The following LANCL3 variants were observed in gnomAD, a reference collection of about 807,000 sequenced individuals.
LANCL3 encodes LanC like family member 3.
Under a neutral mutation model 26.5 loss-of-function variants are expected in LANCL3, and 19 were observed. That is an observed-to-expected ratio of 0.72 (90% CI 0.50 to 1.05). The LOEUF (loss-of-function observed/expected upper bound fraction) is 1.05, where lower values mean the gene tolerates loss of function less well. LANCL3 is among the 50% of genes least tolerant of loss of function. The probability of loss-of-function intolerance (pLI) is 0.00; values close to 1 mark genes in which losing one functional copy is unlikely to be tolerated. For missense variants in LANCL3, 318 were observed against 362.7 expected (o/e 0.88, Z 1.00); for synonymous variants, 160 against 166.6 (o/e 0.96, Z 0.30).
At chrX:37,580,884 A>G (rs375664249) in intron 1 of LANCL3, among the ~76,000 whole-genome samples, 179 of 112,335 alleles carry the variant, frequency 1.6e-3, no homozygotes, top group African/African-American at 5.5e-3. Flanking sequence ...AGAGGTTGAG[A>G]AACTTGTTCC....
rs1355150345 is a variant in LANCL3 at position 37,681,055 on chromosome X, T to C, written c.*5242T>C. On this transcript the variant is annotated 3_prime_UTR_variant, in exon 5 of 5. Coordinates refer to ENST00000378619, the MANE Select transcript of LANCL3 (RefSeq NM_001170331.2). Reference sequence around the variant, plus strand: ...GCTAGGTTGAAGCCATTAGTAACCATCTGTAGAAGATAACAGCCATGAGTT... The same window carrying C: ...GCTAGGTTGAAGCCATTAGTAACCACCTGTAGAAGATAACAGCCATGAGTT... 8.9e-6 allele frequency: 1 copy of C among 112,278 alleles called. No individual in the cohort carries two copies. The highest frequency in any genetic ancestry group is 1.9e-5 in the Non-Finnish European group (1 of 53,288). 9.3% of individuals were successfully genotyped at this position (112,278 alleles called of 1,213,427 possible).
chrX:37,631,362 C>A (rs1340816239), intron 1 of LANCL3, among the ~76,000 whole-genome samples: 3 of 111,423 alleles, frequency 2.7e-5, no homozygotes, highest in African/African-American at 9.8e-5. Flanking sequence ...ATTAATCTTG[C>A]TAGCAGTCTA....
chrX:37,662,167 C>T (rs1398647244), intron 3 of LANCL3, among the ~76,000 whole-genome samples: 2 of 111,917 alleles, frequency 1.8e-5, no homozygotes, highest in Non-Finnish European at 3.8e-5. Flanking sequence ...TTTTAAATAC[C>T]TTGTGTGGCA....
rs181143363 is a variant in LANCL3, at chrX:37,634,138, C to T, written c.574-21550C>T. On this transcript the variant is annotated intron_variant, in intron 1 of 4. Transcript: ENST00000378619. Reference sequence around the variant, plus strand: ...TTACCTAAGCAAGCCTGGGCAATGGCGGGCGCCCCTCCCCCAGCCTCACTG... The same window carrying T: ...TTACCTAAGCAAGCCTGGGCAATGGTGGGCGCCCCTCCCCCAGCCTCACTG... Among the ~76,000 whole-genome samples, 225 of 112,641 alleles carry T rather than the reference C, an allele frequency of 2.0e-3. 2 individuals are homozygous for T. Among genetic ancestry groups the T allele is most frequent in the Middle Eastern group, 0.018 (4 of 217 alleles).
chrX:37,600,683 C>G (rs1924553132), intron 1 of LANCL3, among the ~76,000 whole-genome samples: 1 of 111,927 alleles, frequency 8.9e-6, no homozygotes, highest in African/African-American at 3.3e-5. Context: ...TAATTCAGTA[C>G]TTCTCAAACT....
intron 1 of LANCL3, among the ~76,000 whole-genome samples, chrX:37,595,830 A>G (rs1238686858): frequency 1.8e-5 from 2 of 112,226 alleles, no homozygotes; most frequent in Non-Finnish European, 3.8e-5. Context: ...TTGACTAGCT[A>G]TGCACTTTAC....
rs191733227 is a variant in LANCL3 at position 37,643,207 on chromosome X, A to G, written c.574-12481A>G. Among the ~76,000 whole-genome samples the G allele has an allele frequency of 2.7e-5, 3 of 112,259 alleles. No individual in the cohort carries two copies. The East Asian group carries it at 8.4e-4, about 31-fold the overall frequency. On this transcript the variant is annotated intron_variant, in intron 1 of 4. Transcript: ENST00000378619. ...TTAAGCTTCCTATTAGGAAGAAAGTACATAAGAAAATAGACATATTGATAA... is the reference window on the plus strand; with the variant it reads ...TTAAGCTTCCTATTAGGAAGAAAGTGCATAAGAAAATAGACATATTGATAA...
chrX:37,572,050 C>A lies in LANCL3; in HGVS notation c.180C>A (p.Ala60=). Residue 60 remains alanine (A), a synonymous_variant, in exon 1 of 5, where the codon GCC becomes GCA. Transcript: ENST00000378619. ...GAGGGGCGACGGCGGGGGCTAGCGC[C>A]TGCCAGGGGGGGCTTTATGGCGGCG... is the stretch of plus-strand genomic sequence containing the variant. The part of the protein sequence containing the change: ...EARGATAGAS[A]CQGGLYGGVA... 8.5e-7 allele frequency: 1 copy of A among 1,182,053 alleles called. No homozygotes were observed. Among genetic ancestry groups the A allele is most frequent in the Non-Finnish European group, 1.1e-6 (1 of 882,168 alleles).
intron 1 of LANCL3, among the ~76,000 whole-genome samples, chrX:37,595,737 GC>G: frequency 8.9e-6 from 1 of 112,029 alleles, no homozygotes; most frequent in East Asian, 2.8e-4. Context: ...TTATATTCAT[GC>G]AGGTGATAAA....
At chrX:37,637,258 T>TA (rs1461353067) in intron 1 of LANCL3, among the ~76,000 whole-genome samples, 4 of 112,231 alleles carry the variant, frequency 3.6e-5, no homozygotes, top group Non-Finnish European at 1.9e-5. Flanking sequence ...TGGATTCCTA[T>TA]AGTTCAGTGT....
At chrX:37,607,013 C>T (rs917888651) in intron 1 of LANCL3, among the ~76,000 whole-genome samples, 1 of 112,365 alleles carries the variant, frequency 8.9e-6, no homozygotes, top group Non-Finnish European at 1.9e-5. Context: ...CAGTGCCTAG[C>T]ACTGTGCTAA....
chrX:37,609,906 A>G (rs1244633249), intron 1 of LANCL3, among the ~76,000 whole-genome samples: 1 of 112,103 alleles, frequency 8.9e-6, no homozygotes, highest in East Asian at 2.8e-4. Context: ...TTTAAAAAAT[A>G]TTGTTTTGGT....
intron 1 of LANCL3, among the ~76,000 whole-genome samples, chrX:37,654,021 C>G (rs782566296): frequency 1.9e-4 from 21 of 111,634 alleles, no homozygotes; most frequent in Admixed American, 4.7e-4. Context: ...TTTAGTTGCT[C>G]TATTGTAGAC....
At chrX:37,653,298 A>G (rs1278085893) in intron 1 of LANCL3, among the ~76,000 whole-genome samples, 1 of 111,950 alleles carries the variant, frequency 8.9e-6, no homozygotes, top group Non-Finnish European at 1.9e-5. Flanking sequence ...AGACATGCAC[A>G]CACACACACA....
chrX:37,580,236 G>T (rs1556416860), intron 1 of LANCL3, among the ~76,000 whole-genome samples: 2 of 111,459 alleles, frequency 1.8e-5, no homozygotes, highest in Non-Finnish European at 3.8e-5. Flanking sequence ...ACTTCTATGG[G>T]CTATGGCTTA....
intron 1 of LANCL3, among the ~76,000 whole-genome samples, chrX:37,584,547 G>C (rs1367998499): frequency 1.8e-5 from 2 of 111,364 alleles, no homozygotes; most frequent in Non-Finnish European, 3.8e-5. Context: ...TTATTGTTGG[G>C]AGGGTGTATG....
rs1225660885 is a variant in LANCL3 at position 37,679,761 on chromosome X, T to A, written c.*3948T>A. 16 of 111,014 alleles carry A rather than the reference T, an allele frequency of 1.4e-4. No homozygotes were observed. Among genetic ancestry groups the A allele is most frequent in the African/African-American group, 5.3e-4 (16 of 30,473 alleles). The allele number at this position is 111,014 out of a possible 1,213,427, so 9.1% of individuals were successfully genotyped here. Reference sequence around the variant, plus strand: ...GAGCCCGTGTAATATTGGTATAAATTTGGCAAGGAAAGCAAATGAGAAGGC... The same window carrying A: ...GAGCCCGTGTAATATTGGTATAAATATGGCAAGGAAAGCAAATGAGAAGGC... On this transcript the variant is annotated 3_prime_UTR_variant, in exon 5 of 5. Transcript: ENST00000378619.
At chrX:37,583,640 A>G (rs782101624) in intron 1 of LANCL3, among the ~76,000 whole-genome samples, 1 of 111,830 alleles carries the variant, frequency 8.9e-6, no homozygotes, top group Admixed American at 9.4e-5. Context: ...GTGTAGAAGA[A>G]TGCTTCTGAT....
Position 37,627,408 on chromosome X carries a change from G to A in LANCL3, c.574-28280G>A, listed in dbSNP as rs1019446480. 2.7e-5 allele frequency among the ~76,000 whole-genome samples: 3 copies of A among 111,447 alleles called. No individual in the cohort carries two copies. The East Asian group carries it at 8.5e-4, about 32-fold the overall frequency. On this transcript the variant is annotated intron_variant, in intron 1 of 4. Transcript: ENST00000378619. Reference sequence around the variant, plus strand: ...CACAGTAATGCTGACTCCAGGGTATGTGAGGTAGTGGTAACACCTCCAGTC... The same window carrying A: ...CACAGTAATGCTGACTCCAGGGTATATGAGGTAGTGGTAACACCTCCAGTC...
Sources: allele counts gnomAD v4.1 joint callset (sites outside exome capture counted in the v4.1 genomes callset), GRCh38; gene constraint gnomAD v4.1.1; transcripts MANE v1.5; gene names NCBI Gene and HGNC (gene_info 2026-07-23, HGNC 2026-07-21).